The following CLTCL1 variants were observed in gnomAD, a reference collection of about 807,000 sequenced individuals.
The protein encoded by CLTCL1 is clathrin heavy chain 2.
In CLTCL1, 159 loss-of-function variants were observed where a neutral mutation model predicts 190.0. That is an observed-to-expected ratio of 0.84 (90% CI 0.74 to 0.95). The LOEUF is 0.95. Ranked by LOEUF, CLTCL1 falls within the 40% of genes least tolerant of loss-of-function variation. CLTCL1 has a pLI of 0.00. For synonymous variants in CLTCL1, 752 were observed against 769.6 expected (o/e 0.98, Z 0.38); for missense variants, 1,878 against 2,033.4 (o/e 0.92, Z 1.47).
chr22:19,224,416 G>C (rs1227423933), intron 13 of CLTCL1, among the ~76,000 whole-genome samples: 1 of 152,176 alleles, frequency 6.6e-6, no homozygotes, highest in Non-Finnish European at 1.5e-5. Flanking sequence ...TCAAGGGACA[G>C]AGAAATAAGC....
intron 29 of CLTCL1, among the ~76,000 whole-genome samples, chr22:19,187,160 G>A (rs1175535304): frequency 2.6e-5 from 4 of 151,782 alleles, no homozygotes; most frequent in Admixed American, 6.6e-5. Context: ...CTGGGCTCAA[G>A]CACTCCACCC....
chr22:19,269,225 C>A (rs1418125236), intron 2 of CLTCL1, among the ~76,000 whole-genome samples: 6 of 151,838 alleles, frequency 4.0e-5, no homozygotes, highest in Non-Finnish European at 7.4e-5. Context: ...GATGGTGAAA[C>A]CCCGTCCCTA....
chr22:19,228,382 C>T (rs2085818453), intron 11 of CLTCL1, among the ~76,000 whole-genome samples: 2 of 152,216 alleles, frequency 1.3e-5, no homozygotes, highest in African/African-American at 4.8e-5. Context: ...CACCCAACTA[C>T]TTGTTTCTCC....
chr22:19,189,021 A>G (rs948278646), intron 27 of CLTCL1, among the ~76,000 whole-genome samples: 2 of 151,924 alleles, frequency 1.3e-5, no homozygotes. Flanking sequence ...CTCCTGCCTC[A>G]GCCTCCTGAG....
At chr22:19,235,233 G>A (rs1025440951) in intron 6 of CLTCL1, among the ~76,000 whole-genome samples, 1 of 151,298 alleles carries the variant, frequency 6.6e-6, no homozygotes, top group Non-Finnish European at 1.5e-5. Flanking sequence ...GCAATGGTGT[G>A]ATCACAGCTC....
At chr22:19,245,223 GCT>G (rs1601631513) in intron 3 of CLTCL1, among the ~76,000 whole-genome samples, 1 of 139,948 alleles carries the variant, frequency 7.1e-6, no homozygotes, top group African/African-American at 2.7e-5. Flanking sequence ...ACAGAGTCTG[GCT>G]CTCTCTCACC....
At chr22:19,209,874 G>C (rs1181660549) in intron 20 of CLTCL1, among the ~76,000 whole-genome samples, 2 of 152,174 alleles carry the variant, frequency 1.3e-5, no homozygotes, top group Non-Finnish European at 1.5e-5. Context: ...GGGAGGGCTG[G>C]AGGGCCTGCT....
At chr22:19,194,343 G>A (rs751922852) in intron 26 of CLTCL1, among the ~76,000 whole-genome samples, 7 of 152,110 alleles carry the variant, frequency 4.6e-5, no homozygotes, top group Admixed American at 2.0e-4. Context: ...TGAGCCGGGC[G>A]TGGTGGCAGG....
chr22:19,199,629 A>T, intron 24 of CLTCL1, 105 bp downstream of exon 24: 2 of 748,824 alleles, frequency 2.7e-6, no homozygotes, highest in Non-Finnish European at 4.3e-6. Flanking sequence ...ATATTTGCAG[A>T]TGCAACACTG....
intron 4 of CLTCL1, among the ~76,000 whole-genome samples, chr22:19,241,911 C>T (rs2086264625): frequency 6.6e-6 from 1 of 152,110 alleles, no homozygotes; most frequent in African/African-American, 2.4e-5. Context: ...ACAGTCATCT[C>T]CCCAAGAGCA....
At chr22:19,288,836 T>C (rs1208311306) in intron 1 of CLTCL1, among the ~76,000 whole-genome samples, 10 of 152,204 alleles carry the variant, frequency 6.6e-5, no homozygotes, top group Non-Finnish European at 1.0e-4. Flanking sequence ...GCAGTGGGTG[T>C]GGGCAGAGAG....
At chr22:19,251,542 C>T (rs544457729) in intron 3 of CLTCL1, among the ~76,000 whole-genome samples, 15 of 152,294 alleles carry the variant, frequency 9.8e-5, no homozygotes, top group African/African-American at 3.6e-4. Flanking sequence ...CTGCAAGCTC[C>T]GCCTCCCGGG....
chr22:19,250,254 AG>A (rs1169319826), intron 3 of CLTCL1, among the ~76,000 whole-genome samples: 1 of 152,064 alleles, frequency 6.6e-6, no homozygotes, highest in Admixed American at 6.6e-5. Flanking sequence ...ACTCTGTCTC[AG>A]AAAAACAAAA....
chr22:19,193,065 A>T (rs1322644207), intron 26 of CLTCL1, among the ~76,000 whole-genome samples: 14 of 152,170 alleles, frequency 9.2e-5, no homozygotes, highest in African/African-American at 3.4e-4. Flanking sequence ...TCAAAGCCCC[A>T]CCTGCTTCCC....
chr22:19,218,540 C>G (rs1252854091), intron 18 of CLTCL1, among the ~76,000 whole-genome samples: 1 of 152,200 alleles, frequency 6.6e-6, no homozygotes, highest in Non-Finnish European at 1.5e-5. Flanking sequence ...GCCCTCAAGC[C>G]TTTCGAAAGC....
At position 19,254,116 on chromosome 22, in the gene CLTCL1, A is replaced by G. The variant is rs782020805; in HGVS notation, c.362T>C (p.Leu121Ser). 6.2e-6 allele frequency: 10 copies of G among 1,613,534 alleles called. No individual in the cohort carries two copies. The highest frequency in any genetic ancestry group is 8.5e-6 in the Non-Finnish European group (10 of 1,179,710). The change falls in exon 3 of 33, where the codon TTG becomes TCG. Residue 121 changes from leucine (L) to serine (S), a missense_variant. Physicochemically the swap from Leu to Ser is moderately radical, Grantham distance 145. Transcript: ENST00000427926. ...GTGGTAGACCGCGGTCTCGGTCACC[A>G]AGGCAACAGTGTTCACAGAAACCCA... ...WKWVSVNTVALVTETAVYHWS... is the reference protein window; with the variant it reads ...WKWVSVNTVASVTETAVYHWS...
At chr22:19,183,690 G>A in intron 29 of CLTCL1, 79 bp from the exon 30 acceptor site, 1 of 1,414,594 alleles carries the variant, frequency 7.1e-7, no homozygotes, top group Admixed American at 1.9e-5. Context: ...CGGAGGGCAG[G>A]GAGTGGCACT....
At chr22:19,259,274 T>C (rs1252063190) in intron 2 of CLTCL1, among the ~76,000 whole-genome samples, 3 of 152,016 alleles carry the variant, frequency 2.0e-5, no homozygotes, top group Non-Finnish European at 4.4e-5. Flanking sequence ...CCCGACTAAT[T>C]TTTGTATTTT....
chr22:19,291,676 C>T lies in CLTCL1; in HGVS notation c.-35G>A, dbSNP rs1555994300. 2 of 1,348,692 alleles carry T rather than the reference C, an allele frequency of 1.5e-6. No individual in the cohort carries two copies. Among genetic ancestry groups the T allele is most frequent in the Non-Finnish European group, 1.9e-6 (2 of 1,038,716 alleles). The allele number at this position is 1,348,692 out of a possible 1,614,324, so 83.5% of individuals were successfully genotyped here. A position where few individuals can be genotyped will look rare whatever the true frequency, so the allele number is the denominator to read the frequency against. On this transcript the variant is annotated 5_prime_UTR_variant, in exon 1 of 33. Coordinates refer to ENST00000427926, the MANE Select transcript of CLTCL1 (RefSeq NM_007098.4). Reference sequence around the variant, plus strand: ...GGGACCTCGGCGGCGGCGGCGGCAGCGGCAGGAATGAACGCCGACCCCTCG... The same window carrying T: ...GGGACCTCGGCGGCGGCGGCGGCAGTGGCAGGAATGAACGCCGACCCCTCG...
Sources: allele counts gnomAD v4.1 joint callset (sites outside exome capture counted in the v4.1 genomes callset), GRCh38; gene constraint gnomAD v4.1.1; transcripts MANE v1.5; gene names NCBI Gene and HGNC (gene_info 2026-07-23, HGNC 2026-07-21).